The following TOP6BL variants were observed in gnomAD, a reference collection of about 807,000 sequenced individuals.
TOP6BL encodes TOP6B like initiator of meiotic double strand breaks.
chr11:66,816,830 G>A, the TOP6BL span, among the ~76,000 whole-genome samples: 9 of 152,072 alleles, frequency 5.9e-5, no homozygotes, highest in Non-Finnish European at 1.0e-4. Context: ...TTCCTTCCTC[G>A]GCATCCCCAA....
the TOP6BL span, among the ~76,000 whole-genome samples, chr11:66,784,357 T>TGGGGTTTTGCCAAGGGGTGGTCTCA: frequency 6.6e-6 from 1 of 152,128 alleles, no homozygotes; most frequent in Admixed American, 6.6e-5. Context: ...TTTATAGAGA[T>TGGGGTTTTGCCAAGGGGTGGTCTCA]GGGGTTTTGC....
chr11:66,828,377 A>G, the TOP6BL span: 58 of 1,587,530 alleles, frequency 3.7e-5, no homozygotes, highest in Admixed American at 9.6e-4. Flanking sequence ...AAGTGTAAAT[A>G]ATCAGTACTT....
At chr11:66,801,314 A>G in the TOP6BL span, among the ~76,000 whole-genome samples, 1 of 152,222 alleles carries the variant, frequency 6.6e-6, no homozygotes, top group Non-Finnish European at 1.5e-5. Context: ...TGACCTGAAG[A>G]CATGTGCCTT....
the TOP6BL span, among the ~76,000 whole-genome samples, chr11:66,791,829 T>G: frequency 1.3e-5 from 2 of 151,796 alleles, no homozygotes; most frequent in Middle Eastern, 3.4e-3. Context: ...TTTTTTTTTT[T>G]TTTTTTGGGA....
the TOP6BL span, among the ~76,000 whole-genome samples, chr11:66,756,803 C>T: frequency 6.6e-6 from 1 of 152,088 alleles, no homozygotes; most frequent in African/African-American, 2.4e-5. Flanking sequence ...CCTCTGTTTC[C>T]TGGGCTCAGC....
the TOP6BL span, among the ~76,000 whole-genome samples, chr11:66,825,743 G>A: frequency 6.6e-6 from 1 of 152,200 alleles, no homozygotes; most frequent in African/African-American, 2.4e-5. Flanking sequence ...CATAGCATAC[G>A]GTAGATTCTC....
chr11:66,778,251 T>G, the TOP6BL span, among the ~76,000 whole-genome samples: 2 of 152,028 alleles, frequency 1.3e-5, no homozygotes, highest in Non-Finnish European at 2.9e-5. Flanking sequence ...TAGGATGAAT[T>G]AAGTCATTAG....
the TOP6BL span, among the ~76,000 whole-genome samples, chr11:66,824,511 A>G: frequency 1.2e-4 from 18 of 150,828 alleles, no homozygotes; most frequent in Non-Finnish European, 2.2e-4. Flanking sequence ...TTAGTTACAT[A>G]TGTATACATG....
At chr11:66,796,280 G>A in the TOP6BL span, 1 of 1,605,896 alleles carries the variant, frequency 6.2e-7, no homozygotes, top group South Asian at 1.1e-5. Context: ...TATTATTACA[G>A]GTTGATGAAA....
At chr11:66,751,744 T>C in the TOP6BL span, among the ~76,000 whole-genome samples, 2 of 152,316 alleles carry the variant, frequency 1.3e-5, no homozygotes, top group East Asian at 1.9e-4. Context: ...TGTCTTTCTT[T>C]TAATATAGTT....
At chr11:66,776,823 G>C in the TOP6BL span, among the ~76,000 whole-genome samples, 2 of 152,106 alleles carry the variant, frequency 1.3e-5, no homozygotes, top group African/African-American at 4.8e-5. Context: ...GCCAAGACGG[G>C]AGGACCACTT....
the TOP6BL span, among the ~76,000 whole-genome samples, chr11:66,832,297 T>G: frequency 3.3e-5 from 5 of 152,212 alleles, no homozygotes; most frequent in South Asian, 1.0e-3. Flanking sequence ...AGACGGAGTT[T>G]CACTGTGTTG....
chr11:66,839,895 G>C, the TOP6BL span, among the ~76,000 whole-genome samples: 2 of 152,134 alleles, frequency 1.3e-5, no homozygotes, highest in Admixed American at 1.3e-4. Flanking sequence ...GTGCCCTTCT[G>C]GGGGCAGGGG....
the TOP6BL span, among the ~76,000 whole-genome samples, chr11:66,832,470 C>T: frequency 6.6e-6 from 1 of 152,250 alleles, no homozygotes; most frequent in African/African-American, 2.4e-5. Context: ...CCTTGTACTT[C>T]TGCTTTCCTG....
the TOP6BL span, among the ~76,000 whole-genome samples, chr11:66,781,402 C>G: frequency 6.6e-6 from 1 of 152,010 alleles, no homozygotes; most frequent in Non-Finnish European, 1.5e-5. Flanking sequence ...CTTTTTGGTT[C>G]TTTTTGTATA....
At chr11:66,841,178 G>A in the TOP6BL span, among the ~76,000 whole-genome samples, 13 of 142,384 alleles carry the variant, frequency 9.1e-5, no homozygotes, top group Non-Finnish European at 1.2e-4. Flanking sequence ...GTGCAGTGGC[G>A]TGATCTCGGC....
chr11:66,795,954 C>T, the TOP6BL span: 1 of 213,210 alleles, frequency 4.7e-6, no homozygotes, highest in African/African-American at 2.3e-5. Flanking sequence ...TTCCAAAGCA[C>T]ATTAGGATGG....
At chr11:66,809,211 T>C in the TOP6BL span, among the ~76,000 whole-genome samples, 3 of 152,190 alleles carry the variant, frequency 2.0e-5, no homozygotes, top group South Asian at 4.1e-4. Context: ...ATAAAAAAGA[T>C]TTCTACACCT....
At chr11:66,773,716 CATA>C in the TOP6BL span, among the ~76,000 whole-genome samples, 1 of 152,088 alleles carries the variant, frequency 6.6e-6, no homozygotes, top group African/African-American at 2.4e-5. Context: ...ACGCTAAAGT[CATA>C]ATGACATTTT....
Sources: gnomAD v4.1 joint callset for allele counts (sites outside exome capture counted in the v4.1 genomes callset) on GRCh38, gnomAD v4.1.1 for gene constraint, MANE v1.5 for transcripts, NCBI Gene and HGNC (gene_info 2026-07-23, HGNC 2026-07-21) for gene names.